Variants in MYOF observed in about 807,000 individuals in gnomAD.
The protein encoded by MYOF is fer-1-like 3, myoferlin.
MYOF carries 244 observed loss-of-function variants against 284.2 expected under a neutral mutation model. The ratio of observed to expected loss-of-function variants is 0.86; its 90% CI spans 0.77 to 0.95. MYOF has a LOEUF of 0.95. MYOF is among the 40% of genes least tolerant of loss of function. The pLI, the probability that MYOF is intolerant of heterozygous loss-of-function variation, is 0.00. For synonymous variants in MYOF, 904 were observed against 919.7 expected, an observed-to-expected ratio of 0.98 and a Z score of 0.31; for missense variants, 2,496 against 2,560.6, an observed-to-expected ratio of 0.97 and a Z score of 0.54.
At chr10:93,446,556 G>C (rs2056435073) in intron 3 of MYOF, among the ~76,000 whole-genome samples, 1 of 151,984 alleles carries the variant, frequency 6.6e-6, no homozygotes, top group South Asian at 2.1e-4. Flanking sequence ...CACAGTGGGA[G>C]CCAGGAAACT....
intron 19 of MYOF, 24 bp downstream of exon 19, chr10:93,387,773 C>T (rs1474232075): frequency 1.3e-6 from 2 of 1,589,540 alleles, no homozygotes; most frequent in African/African-American, 1.3e-5. Flanking sequence ...CTATACCATG[C>T]ATTACTCACA....
chr10:93,374,151 G>T (rs1014984665), intron 23 of MYOF, among the ~76,000 whole-genome samples: 1 of 152,110 alleles, frequency 6.6e-6, no homozygotes, highest in African/African-American at 2.4e-5. Flanking sequence ...TGAGAATGAT[G>T]GTTTCCACCT....
chr10:93,456,784 T>C (rs1176836573), intron 2 of MYOF, 98 bp downstream of exon 2: 10 of 872,180 alleles, frequency 1.1e-5, no homozygotes, highest in Non-Finnish European at 1.8e-5. Context: ...AATGTAGAGA[T>C]TCTCCTTCCG....
chr10:93,338,467 T>C (rs1279203080), intron 39 of MYOF: 1 of 456,878 alleles, frequency 2.2e-6, no homozygotes, highest in Non-Finnish European at 4.4e-6. Flanking sequence ...AATTTCTTCA[T>C]CCACTGAATG....
chr10:93,377,979 G>A (rs1845915578), intron 21 of MYOF, among the ~76,000 whole-genome samples: 1 of 152,206 alleles, frequency 6.6e-6, no homozygotes, highest in Admixed American at 6.5e-5. Flanking sequence ...ACATACATGT[G>A]TCTGTGCAAA....
At chr10:93,455,422 C>T (rs2056722203) in intron 2 of MYOF, among the ~76,000 whole-genome samples, 1 of 152,136 alleles carries the variant, frequency 6.6e-6, no homozygotes, top group African/African-American at 2.4e-5. Context: ...AATCCCAGCA[C>T]TTTGGGAGTC....
At chr10:93,369,266 T>TATGTGTGCGTGTGTGC (rs59877404) in intron 25 of MYOF, among the ~76,000 whole-genome samples, 36,478 of 147,874 alleles carry the variant, frequency 0.25, 5,805 homozygotes, top group East Asian at 0.86. Context: ...TTGGTGTGTG[T>TATGTGTGCGTGTGTGC]GTGTGTGTGT....
intron 1 of MYOF, among the ~76,000 whole-genome samples, chr10:93,470,471 G>A (rs771119562): frequency 6.6e-6 from 1 of 151,792 alleles, no homozygotes; most frequent in Admixed American, 6.6e-5. Context: ...CACGATCTCG[G>A]CTCACTGCAA....
intron 3 of MYOF, among the ~76,000 whole-genome samples, chr10:93,446,644 A>G (rs1282597476): frequency 6.6e-6 from 1 of 152,096 alleles, no homozygotes; most frequent in Non-Finnish European, 1.5e-5. Context: ...AACCAAGACC[A>G]GCTTCATAAT....
rs1359912091 is a variant in MYOF at position 93,369,664 on chromosome 10, A to T, written c.2570T>A (p.Phe857Tyr). ...KKFNSFAEGT[F>Y]TVFAEMYENQ... ...AGGTACCATTTCAGCAAAGACGGTG[A>T]AAGTTCCTTCTGCGAAGCTGTTAAA... is the stretch of plus-strand genomic sequence containing the variant. The change falls in exon 25 of 54, where the codon TTC becomes TAC. Residue 857 changes from phenylalanine to tyrosine, a missense_variant. Phe to Tyr is a conservative substitution (Grantham distance 22). Coordinates refer to ENST00000359263, the MANE Select transcript of MYOF (RefSeq NM_013451.4). 3.1e-6 allele frequency: 5 copies of T among 1,614,238 alleles called. No individual in the cohort carries two copies. The highest frequency in any genetic ancestry group is 4.2e-6 in the Non-Finnish European group (5 of 1,180,038).
intron 19 of MYOF, among the ~76,000 whole-genome samples, chr10:93,384,476 C>G (rs1015648187): frequency 6.6e-6 from 1 of 152,098 alleles, no homozygotes; most frequent in South Asian, 2.1e-4. Flanking sequence ...AACTCTATCT[C>G]TACTAAAAAT....
In MYOF at chr10:93,325,706, T is replaced by C. The variant is rs573084740; in HGVS notation, c.5271+120A>G. 92 of 1,267,008 alleles carry C rather than the reference T, an allele frequency of 7.3e-5. No individual in the cohort carries two copies. The East Asian group carries it at 2.2e-3, about 30-fold the overall frequency. 78.5% of individuals were successfully genotyped at this position (1,267,008 alleles called of 1,614,324 possible). ...TTTTGATATGACGCTAATTTGAGTC[T>C]CATTTCTATTTCTGTGCATCTCAAA... On this transcript the variant is annotated intron_variant, in intron 46 of 53. Transcript: ENST00000359263.
chr10:93,325,990 C>G, intron 45 of MYOF, 25 bp from the exon 46 acceptor site: 2 of 1,613,794 alleles, frequency 1.2e-6, no homozygotes, highest in Non-Finnish European at 8.5e-7. Flanking sequence ...AGCATTGAAG[C>G]AGGAATGAGT....
At chr10:93,347,396 CAA>C (rs1193750464) in intron 37 of MYOF, among the ~76,000 whole-genome samples, 1 of 149,778 alleles carries the variant, frequency 6.7e-6, no homozygotes, top group East Asian at 2.0e-4. Context: ...ACTAAAAATA[CAA>C]AAAATTAGCC....
At chr10:93,461,785 C>G (rs1231131111) in intron 1 of MYOF, among the ~76,000 whole-genome samples, 1 of 152,134 alleles carries the variant, frequency 6.6e-6, no homozygotes, top group African/African-American at 2.4e-5. Flanking sequence ...CTTCATTTGG[C>G]TGATATAAGT....
chr10:93,353,864 C>G lies in MYOF; in HGVS notation c.3428G>C (p.Cys1143Ser), dbSNP rs761250319. 40 of 1,609,986 alleles carry G rather than the reference C, an allele frequency of 2.5e-5. No individual in the cohort carries two copies. The highest frequency in any genetic ancestry group is 3.3e-5 in the Non-Finnish European group (39 of 1,177,610). The change falls in exon 32 of 54, where the codon TGC becomes TCC. Residue 1143 changes from cysteine (C) to serine (S), a missense_variant. Cys to Ser is a moderately radical substitution (Grantham distance 112). This residue lies in a region of MYOF where 2,436 missense variants were observed against 2,480.7 expected (regional missense o/e 0.98). Transcript: ENST00000359263. ...FDRVYIYHLR[C>S]YVYQARNLLA... is the part of the protein sequence containing the mutation. Reference sequence around the variant, plus strand: ...GAGGTTTCTGGCTTGATAGACATAGCAGCGCAGATGGTAGATGTAGACTCC... The same window carrying G: ...GAGGTTTCTGGCTTGATAGACATAGGAGCGCAGATGGTAGATGTAGACTCC...
chr10:93,354,663 T>TTCTCTCTCTCTC (rs1164929500), intron 31 of MYOF, among the ~76,000 whole-genome samples: 28 of 60,162 alleles, frequency 4.7e-4, no homozygotes, highest in African/African-American at 1.1e-3. Context: ...CACTCACACA[T>TTCTCTCTCTCTC]TCACTCTCTC....
intron 3 of MYOF, among the ~76,000 whole-genome samples, chr10:93,447,349 C>T (rs701871): frequency 0.78 from 118,626 of 151,870 alleles, 46,422 homozygotes; most frequent in African/African-American, 0.82. Flanking sequence ...ACTCAAAGCA[C>T]GTCCAGGAAT....
intron 38 of MYOF, chr10:93,342,011 GT>G: frequency 7.9e-7 from 1 of 1,261,014 alleles, no homozygotes; most frequent in Non-Finnish European, 1.0e-6. Context: ...ATGTACACAT[GT>G]CCATGTTATC....
Sources: allele counts gnomAD v4.1 joint callset (sites outside exome capture counted in the v4.1 genomes callset), GRCh38; gene constraint gnomAD v4.1.1; regional missense constraint gnomAD v4.1.1; transcripts MANE v1.5; gene names NCBI Gene and HGNC (gene_info 2026-07-23, HGNC 2026-07-21).